Variants in DEPTOR observed in about 807,000 individuals in gnomAD.
The protein encoded by DEPTOR is DEP domain containing MTOR interacting protein.
Under a neutral mutation model 41.6 loss-of-function variants are expected in DEPTOR, and 41 were observed. The ratio of observed to expected loss-of-function variants is 0.98; its 90% confidence interval spans 0.77 to 1.28. The LOEUF is 1.28. DEPTOR is among the 50% of genes most tolerant of loss of function. The probability of loss-of-function intolerance (pLI) is 0.00; values close to 1 mark genes in which losing one functional copy is unlikely to be tolerated. For missense variants in DEPTOR, 514 were observed against 527.9 expected (o/e 0.97, Z 0.26); for synonymous variants, 195 against 192.3 (o/e 1.01, Z -0.12).
At chr8:119,967,669 G>A (rs577678761) in intron 4 of DEPTOR, among the ~76,000 whole-genome samples, 24 of 149,496 alleles carry the variant, frequency 1.6e-4, no homozygotes, top group Admixed American at 8.8e-4. Flanking sequence ...CAAGAGAATC[G>A]CTTGAACCCT....
At chr8:119,987,215 G>T (rs1304317742) in intron 4 of DEPTOR, among the ~76,000 whole-genome samples, 2 of 152,112 alleles carry the variant, frequency 1.3e-5, no homozygotes, top group African/African-American at 4.8e-5. Context: ...ATAGAGTTTT[G>T]TGTGGATGTC....
At chr8:119,962,353 T>A (rs1404189536) in intron 3 of DEPTOR, among the ~76,000 whole-genome samples, 1 of 152,114 alleles carries the variant, frequency 6.6e-6, no homozygotes, top group South Asian at 2.1e-4. Context: ...TTTAATCTGA[T>A]AATCACAGAA....
chr8:119,985,545 C>T (rs1239618566), intron 4 of DEPTOR, among the ~76,000 whole-genome samples: 1 of 152,096 alleles, frequency 6.6e-6, no homozygotes, highest in Non-Finnish European at 1.5e-5. Flanking sequence ...TGCAGAAGCT[C>T]TTTAGTTTAA....
intron 4 of DEPTOR, among the ~76,000 whole-genome samples, chr8:119,970,559 G>A (rs946565636): frequency 1.3e-5 from 2 of 152,128 alleles, no homozygotes; most frequent in African/African-American, 2.4e-5. Flanking sequence ...CTACTAAGTG[G>A]CCACGTCTGC....
chr8:120,015,487 A>G (rs1367513698), intron 8 of DEPTOR, among the ~76,000 whole-genome samples: 1 of 152,138 alleles, frequency 6.6e-6, no homozygotes, highest in African/African-American at 2.4e-5. Context: ...GGTGTTTGGT[A>G]AGGGTCTGCC....
At chr8:119,889,473 G>C (rs1314928520) in intron 1 of DEPTOR, among the ~76,000 whole-genome samples, 3 of 150,528 alleles carry the variant, frequency 2.0e-5, no homozygotes, top group African/African-American at 7.3e-5. Context: ...CTTAAGCCCA[G>C]GAGGTCGAGA....
chr8:120,046,860 T>C (rs945932677), intron 8 of DEPTOR, among the ~76,000 whole-genome samples: 1 of 152,110 alleles, frequency 6.6e-6, no homozygotes, highest in Non-Finnish European at 1.5e-5. Context: ...CACATGCCTG[T>C]CAGCCAGGTG....
chr8:119,936,139 A>G (rs1333018982), intron 3 of DEPTOR, among the ~76,000 whole-genome samples: 1 of 151,922 alleles, frequency 6.6e-6, no homozygotes, highest in Admixed American at 6.6e-5. Context: ...CCCGTATGCC[A>G]TTAGATGTCT....
chr8:119,954,845 G>GT (rs1554676028), intron 3 of DEPTOR, among the ~76,000 whole-genome samples: 10 of 147,946 alleles, frequency 6.8e-5, no homozygotes, highest in African/African-American at 2.5e-4. Flanking sequence ...GGCAAATATT[G>GT]GTGTGTGTGT....
chr8:119,930,508 A>G (rs1470883361), intron 3 of DEPTOR, among the ~76,000 whole-genome samples: 7 of 152,316 alleles, frequency 4.6e-5, no homozygotes, highest in Non-Finnish European at 1.0e-4. Context: ...AAGTGCTGTC[A>G]TTGCAGGTGT....
chr8:120,024,575 T>C (rs1215702161), intron 8 of DEPTOR, among the ~76,000 whole-genome samples: 2 of 152,090 alleles, frequency 1.3e-5, no homozygotes, highest in African/African-American at 4.8e-5. Context: ...GGGACAGACA[T>C]ACTCAGAAGA....
intron 1 of DEPTOR, among the ~76,000 whole-genome samples, chr8:119,882,004 C>T (rs1827304064): frequency 6.6e-6 from 1 of 152,172 alleles, no homozygotes. Flanking sequence ...GATTGTCCCG[C>T]CTCAGCGTCC....
chr8:119,930,603 G>A (rs1362042516), intron 3 of DEPTOR, among the ~76,000 whole-genome samples: 1 of 152,168 alleles, frequency 6.6e-6, no homozygotes, highest in Non-Finnish European at 1.5e-5. Context: ...GACTGGAGAA[G>A]CAGCATCGAG....
At chr8:119,915,773 C>T (rs951424363) in intron 1 of DEPTOR, among the ~76,000 whole-genome samples, 1 of 151,960 alleles carries the variant, frequency 6.6e-6, no homozygotes, top group Non-Finnish European at 1.5e-5. Flanking sequence ...AGGTTGATTC[C>T]AGCAAACCTC....
At chr8:119,955,610 G>A (rs141305768) in intron 3 of DEPTOR, among the ~76,000 whole-genome samples, 1 of 152,160 alleles carries the variant, frequency 6.6e-6, no homozygotes, top group Non-Finnish European at 1.5e-5. Context: ...GGGATTACAG[G>A]CATGTGCCAC....
At chr8:119,972,851 C>A (rs1056041728) in intron 4 of DEPTOR, among the ~76,000 whole-genome samples, 4 of 152,292 alleles carry the variant, frequency 2.6e-5, no homozygotes, top group Admixed American at 6.5e-5. Context: ...GATTATTAAC[C>A]TCTGAAATCT....
At position 119,965,380 on chromosome 8, in the gene DEPTOR, C is replaced by A; in HGVS notation, c.574C>A (p.Arg192=). ...TRKEAEQLCH[R]LMEHGIIQHV... ...GAAAGAGGCAGAGCAGCTTTGCCAC[C>A]GGCTTATGGAGCATGGCATCATCCA... is the stretch of plus-strand genomic sequence containing the variant. The change falls in exon 4 of 9, where the codon CGG becomes AGG. Residue 192 remains arginine (R), a synonymous_variant. Transcript: ENST00000286234. The A allele has an allele frequency of 6.2e-7, 1 of 1,613,974 alleles. No individual in the cohort carries two copies. The highest frequency in any genetic ancestry group is 8.5e-7 in the Non-Finnish European group (1 of 1,179,986).
rs995390280 is a variant in DEPTOR, at chr8:119,923,522, G to A, written c.123-4878G>A. Reference sequence around the variant, plus strand: ...TTCCCAAAGTCCTGAGATTATACGTGTGAGCCACCATGCCCAGCCTATCTG... The same window carrying A: ...TTCCCAAAGTCCTGAGATTATACGTATGAGCCACCATGCCCAGCCTATCTG... On this transcript the variant is annotated intron_variant, in intron 1 of 8. Coordinates refer to ENST00000286234, the MANE Select transcript of DEPTOR (RefSeq NM_022783.4). 1.1e-4 allele frequency among the ~76,000 whole-genome samples: 17 copies of A among 152,278 alleles called. No homozygotes were observed. The East Asian group carries it at 3.3e-3, about 29-fold the overall frequency.
intron 4 of DEPTOR, among the ~76,000 whole-genome samples, chr8:119,981,341 T>A (rs1052797443): frequency 6.6e-6 from 1 of 152,222 alleles, no homozygotes; most frequent in African/African-American, 2.4e-5. Context: ...ACTTTACCTT[T>A]GATTTTTTAA....
Sources: allele counts gnomAD v4.1 joint callset (sites outside exome capture counted in the v4.1 genomes callset), GRCh38; gene constraint gnomAD v4.1.1; transcripts MANE v1.5; gene names NCBI Gene and HGNC (gene_info 2026-07-23, HGNC 2026-07-21).